CMPK2: variants seen among roughly 807,000 people sequenced by gnomAD.
The protein encoded by CMPK2 is UMP-CMP kinase 2, mitochondrial.
In CMPK2, 32 loss-of-function variants were observed where a neutral mutation model predicts 33.4. The observed-to-expected ratio is 0.96, with a 90% CI of 0.72 to 1.29. The LOEUF (loss-of-function observed/expected upper bound fraction) is 1.29. Ranked by LOEUF, CMPK2 falls within the 50% of genes most tolerant of loss-of-function variation. The pLI is 0.00. For missense variants in CMPK2, 672 were observed against 616.0 expected (o/e 1.09, Z -0.96); for synonymous variants, 299 against 275.3 (o/e 1.09, Z -0.85).
At position 6,853,771 on chromosome 2, in the gene CMPK2, G is replaced by A. The variant is rs559706642; in HGVS notation, c.993-2088C>T. Among the ~76,000 whole-genome samples the A allele has an allele frequency of 1.3e-3, 195 of 152,114 alleles. 1 individual carries two copies. Among genetic ancestry groups the A allele is most frequent in the Non-Finnish European group, 2.1e-3 (140 of 67,994 alleles). On this transcript the variant is annotated intron_variant, in intron 3 of 4. Coordinates refer to ENST00000256722, the MANE Select transcript of CMPK2 (RefSeq NM_207315.4). ...CAAAAAATTAGCCGGGCGTGGTGGC[G>A]GGCACCTGTAGTCCCAGCTACTCGG... is the stretch of plus-strand genomic sequence containing the variant.
At chr2:6,840,620 A>G (rs1219025616) in exon 4 of CMPK2, 1 of 702,262 alleles carries the variant, frequency 1.4e-6, no homozygotes, top group Non-Finnish European at 2.6e-6. Context: ...CCAGTCCCAC[A>G]AACTTCACTG....
Position 6,861,387 on chromosome 2 carries a change from T to C in CMPK2, c.791-2A>G, listed in dbSNP as rs768927788. On this transcript the variant is annotated splice_acceptor_variant, in intron 2 of 4. Transcript: ENST00000256722. LOFTEE classifies it high-confidence loss of function. ...CTGACTGGGTCACCGTGGTTTTACCTGCAGGTCATACACAAAATATATACA... is the reference window on the plus strand; with the variant it reads ...CTGACTGGGTCACCGTGGTTTTACCCGCAGGTCATACACAAAATATATACA... 1.9e-6 allele frequency: 3 copies of C among 1,613,194 alleles called. No homozygotes were observed. Among genetic ancestry groups the C allele is most frequent in the Non-Finnish European group, 2.5e-6 (3 of 1,179,236 alleles).
intron 3 of CMPK2, among the ~76,000 whole-genome samples, chr2:6,854,161 G>A (rs950656409): frequency 6.6e-6 from 1 of 152,064 alleles, no homozygotes; most frequent in African/African-American, 2.4e-5. Flanking sequence ...TCTTTTTCTG[G>A]TACTTAAACT....
intron 1 of CMPK2, 111 bp from the exon 2 acceptor site, chr2:6,863,689 T>C: frequency 1.4e-6 from 1 of 695,750 alleles, no homozygotes; most frequent in Non-Finnish European, 2.5e-6. Flanking sequence ...TAAGTTATAC[T>C]GAGCACTGTG....
intron 3 of CMPK2, 118 bp downstream of exon 3, chr2:6,861,066 T>G: frequency 1.2e-6 from 1 of 830,142 alleles, no homozygotes; most frequent in Non-Finnish European, 1.9e-6. Context: ...TAAACACAAT[T>G]TTTTTCCTGG....
chr2:6,857,887 A>G lies in CMPK2; in HGVS notation c.992+3297T>C, dbSNP rs1340667986. On this transcript the variant is annotated intron_variant, in intron 3 of 4. Transcript: ENST00000256722. ...CCTGACCTCATGATCCGCCCACCTC[A>G]GCCTCCCAAAGTGAAGCTATTTCTT... is the stretch of plus-strand genomic sequence containing the variant. 2.0e-5 allele frequency among the ~76,000 whole-genome samples: 3 copies of G among 152,224 alleles called. No individual in the cohort carries two copies. The East Asian group carries it at 5.8e-4, about 29-fold the overall frequency.
intron 3 of CMPK2, among the ~76,000 whole-genome samples, chr2:6,860,967 T>C (rs960200725): frequency 6.6e-6 from 1 of 152,208 alleles, no homozygotes; most frequent in African/African-American, 2.4e-5. Context: ...GTATTATATA[T>C]GTAATTCTCT....
At chr2:6,855,199 T>C (rs2103222097) in intron 3 of CMPK2, among the ~76,000 whole-genome samples, 1 of 151,560 alleles carries the variant, frequency 6.6e-6, no homozygotes, top group East Asian at 2.0e-4. Context: ...GATGAGGCCC[T>C]GTGGGAGTTG....
In CMPK2 at chr2:6,849,235, G is replaced by A; in HGVS notation, c.*615C>T. 1 of 985,460 alleles carries A rather than the reference G, an allele frequency of 1.0e-6. No individual in the cohort carries two copies. Among genetic ancestry groups the A allele is most frequent in the Non-Finnish European group, 1.2e-6 (1 of 829,944 alleles). The allele number at this position is 985,460 out of a possible 1,614,324, so 61.0% of individuals were successfully genotyped here. On this transcript the variant is annotated 3_prime_UTR_variant, in exon 5 of 5. Transcript: ENST00000256722. Reference sequence around the variant, plus strand: ...CAGAAGCCTATCAAAAGGGCTCTGAGCCTCAGACACAAGATCAATGCCTTC... The same window carrying A: ...CAGAAGCCTATCAAAAGGGCTCTGAACCTCAGACACAAGATCAATGCCTTC...
intron 4 of CMPK2, chr2:6,850,672 GT>G (rs1380696715): frequency 1.2e-6 from 1 of 863,552 alleles, no homozygotes. Context: ...GTTCACTGAA[GT>G]TTAATGGAAT....
At position 6,861,550 on chromosome 2, in the gene CMPK2, G is replaced by C. The variant is rs187576534; in HGVS notation, c.791-165C>G. On this transcript the variant is annotated intron_variant, in intron 2 of 4. Coordinates refer to ENST00000256722, the MANE Select transcript of CMPK2 (RefSeq NM_207315.4). ...ACCCATAGGAAGTTAGGATTTCTCCGTGTGGTATTAGGAAACCCGGAGGAA... is the reference window on the plus strand; with the variant it reads ...ACCCATAGGAAGTTAGGATTTCTCCCTGTGGTATTAGGAAACCCGGAGGAA... 5.9e-5 allele frequency among the ~76,000 whole-genome samples: 9 copies of C among 152,286 alleles called. No homozygotes were observed. The South Asian group carries it at 1.9e-3, about 32-fold the overall frequency.
intron 3 of CMPK2, among the ~76,000 whole-genome samples, chr2:6,857,668 G>A (rs1352492776): frequency 5.1e-5 from 7 of 136,514 alleles, no homozygotes; most frequent in Admixed American, 2.4e-4. Flanking sequence ...ACGGAGTCTC[G>A]CTGTCGCCCA....
intron 3 of CMPK2, among the ~76,000 whole-genome samples, chr2:6,843,065 G>C (rs145014483): frequency 1.3e-5 from 2 of 152,314 alleles, no homozygotes; most frequent in East Asian, 1.9e-4. Flanking sequence ...CTGAGGATGA[G>C]AGAATTCAGA....
rs1385608909 is a variant in CMPK2 at position 6,842,001 on chromosome 2, C to T, written c.993-1323G>A. On this transcript the variant is annotated intron_variant, in intron 3 of 3. Coordinates refer to the CMPK2 transcript ENST00000458098. The stretch of plus-strand genomic sequence containing the variant: ...TAGCTTTGCTTAGTTCAAGCACCCT[C>T]ATGACAGCAATTAACTCAGCTAATT... Among the ~76,000 whole-genome samples, 4 of 152,330 alleles carry T rather than the reference C, an allele frequency of 2.6e-5. No homozygotes were observed. In the East Asian group the frequency reaches 7.7e-4, roughly 29 times the overall value.
chr2:6,855,125 C>T (rs555230220), intron 3 of CMPK2, among the ~76,000 whole-genome samples: 68 of 147,310 alleles, frequency 4.6e-4, no homozygotes, highest in African/African-American at 1.6e-3. Context: ...CGGTTTTTGC[C>T]ATTAATAATA....
chr2:6,864,093 T>C (rs1662971797), intron 1 of CMPK2, among the ~76,000 whole-genome samples: 1 of 152,220 alleles, frequency 6.6e-6, no homozygotes, highest in African/African-American at 2.4e-5. Context: ...ATTATCTCAC[T>C]GCACGCTCAC....
At chr2:6,858,351 A>G (rs1662778260) in intron 3 of CMPK2, among the ~76,000 whole-genome samples, 3 of 151,926 alleles carry the variant, frequency 2.0e-5, no homozygotes, top group African/African-American at 4.8e-5. Context: ...ATGCTTTGAT[A>G]TTATCTTACC....
rs555508523 is a variant in CMPK2, at chr2:6,865,855, G to A, written c.-159C>T. 40 of 1,323,412 alleles carry A rather than the reference G, an allele frequency of 3.0e-5. No individual in the cohort carries two copies. In the African/African-American group the frequency reaches 5.8e-4, roughly 19 times the overall value. The allele number at this position is 1,323,412 out of a possible 1,614,324, so 82.0% of individuals were successfully genotyped here. The stretch of plus-strand genomic sequence containing the variant: ...GAAAGCCGGAGGCCCAGGCGGGGCA[G>A]GAGCCCTGGGGCTGGGGCGCCCTTC... On this transcript the variant is annotated 5_prime_UTR_variant, in exon 1 of 5. Coordinates refer to ENST00000256722, the MANE Select transcript of CMPK2 (RefSeq NM_207315.4).
chr2:6,864,037 C>T (rs1662970122), intron 1 of CMPK2, among the ~76,000 whole-genome samples: 1 of 152,258 alleles, frequency 6.6e-6, no homozygotes, highest in Admixed American at 6.5e-5. Flanking sequence ...AATCATGAAG[C>T]TGGCAGAGCA....
Sources: allele counts gnomAD v4.1 joint callset (sites outside exome capture counted in the v4.1 genomes callset), GRCh38; gene constraint gnomAD v4.1.1; transcripts MANE v1.5; gene names NCBI Gene and HGNC (gene_info 2026-07-23, HGNC 2026-07-21).